The following KIAA0930 variants were observed in gnomAD, a reference collection of about 807,000 sequenced individuals.
The protein encoded by KIAA0930 is uncharacterized protein KIAA0930.
Under a neutral mutation model 43.9 loss-of-function variants are expected in KIAA0930, and 24 were observed. The observed-to-expected ratio is 0.55, with a 90% confidence interval of 0.40 to 0.77. The LOEUF (loss-of-function observed/expected upper bound fraction) is 0.77, where lower values mean the gene tolerates loss of function less well. Ranked by LOEUF, KIAA0930 falls within the 30% of genes least tolerant of loss-of-function variation. The pLI, the probability that KIAA0930 is intolerant of heterozygous loss-of-function variation, is 0.00. For synonymous variants in KIAA0930, 259 were observed against 216.4 expected (o/e 1.20, Z -1.73); for missense variants, 461 against 574.2 (o/e 0.80, Z 2.02).
intron 1 of KIAA0930, among the ~76,000 whole-genome samples, chr22:45,232,601 C>G (rs1463811443): frequency 6.6e-6 from 1 of 152,210 alleles, no homozygotes; most frequent in Non-Finnish European, 1.5e-5. Context: ...TCTCTCCATC[C>G]CAGCTCCCCC....
intron 1 of KIAA0930, among the ~76,000 whole-genome samples, chr22:45,215,188 G>A (rs1468277666): frequency 1.1e-4 from 17 of 151,776 alleles, no homozygotes; most frequent in Non-Finnish European, 1.0e-4. Flanking sequence ...ACTGCACTCC[G>A]GCCTGGGAGA....
intron 1 of KIAA0930, among the ~76,000 whole-genome samples, chr22:45,225,896 C>A (rs138749948): frequency 6.6e-6 from 1 of 152,358 alleles, no homozygotes; most frequent in African/African-American, 2.4e-5. Flanking sequence ...AAGGCCCGAG[C>A]GCCTGGTCTG....
chr22:45,211,423 G>A (rs1253435953), intron 2 of KIAA0930: 5 of 399,090 alleles, frequency 1.3e-5, no homozygotes, highest in East Asian at 3.6e-5. Flanking sequence ...CGAGCCCTCC[G>A]TTTCCTCATC....
intron 1 of KIAA0930, among the ~76,000 whole-genome samples, chr22:45,234,263 A>G (rs972375528): frequency 1.3e-5 from 2 of 152,116 alleles, no homozygotes; most frequent in Admixed American, 6.5e-5. Context: ...CTCAGGGCTC[A>G]GCTCCCAGGC....
intron 2 of KIAA0930, among the ~76,000 whole-genome samples, chr22:45,206,343 C>T (rs2083637955): frequency 6.6e-6 from 1 of 152,150 alleles, no homozygotes; most frequent in Non-Finnish European, 1.5e-5. Context: ...CTCCCCAGTT[C>T]TCTAGCGACG....
rs757670778 is a variant in KIAA0930 at position 45,204,004 on chromosome 22, AGACAGG to A, written c.517-25_517-20del. The A allele has an allele frequency of 1.8e-4, 288 of 1,613,464 alleles. 2 individuals carry two copies. In the South Asian group the frequency reaches 3.0e-3, roughly 17 times the overall value. On this transcript the variant is annotated intron_variant, in intron 5 of 9. Coordinates refer to ENST00000336156, the MANE Select transcript of KIAA0930 (RefSeq NM_001009880.2). ...TGAACACCTGGGCCAGGACACAAAGAGACAGGGACGTGACCATCAGCTCCCACCGCC... is the reference window on the plus strand; with the variant it reads ...TGAACACCTGGGCCAGGACACAAAGAGACGTGACCATCAGCTCCCACCGCC...
chr22:45,221,362 T>TA (rs1454837972), intron 1 of KIAA0930, among the ~76,000 whole-genome samples: 2 of 152,216 alleles, frequency 1.3e-5, no homozygotes, highest in Non-Finnish European at 2.9e-5. Context: ...GCCATGGCGA[T>TA]ATGTAAGGAA....
At chr22:45,237,307 T>G (rs907587996) in intron 1 of KIAA0930, among the ~76,000 whole-genome samples, 3 of 152,152 alleles carry the variant, frequency 2.0e-5, no homozygotes, top group Admixed American at 1.3e-4. Flanking sequence ...CTCCTGGCTG[T>G]CTCCCCCATG....
intron 1 of KIAA0930, among the ~76,000 whole-genome samples, chr22:45,231,434 C>T (rs1057375286): frequency 6.7e-6 from 1 of 150,186 alleles, no homozygotes; most frequent in Non-Finnish European, 1.5e-5. Flanking sequence ...CCTGAAGATC[C>T]GAGGGATGTC....
chr22:45,236,017 G>C (rs1167522825), intron 1 of KIAA0930, among the ~76,000 whole-genome samples: 1 of 152,256 alleles, frequency 6.6e-6, no homozygotes, highest in Non-Finnish European at 1.5e-5. Context: ...ACAGAGGCAA[G>C]GCCGTCTCCC....
At chr22:45,204,834 T>G (rs1488759982) in intron 5 of KIAA0930, among the ~76,000 whole-genome samples, 1 of 152,088 alleles carries the variant, frequency 6.6e-6, no homozygotes, top group Non-Finnish European at 1.5e-5. Flanking sequence ...ATCCTAGGAT[T>G]CCAAGTCAGT....
At chr22:45,205,114 G>A in intron 5 of KIAA0930, 103 bp downstream of exon 5, 1 of 897,918 alleles carries the variant, frequency 1.1e-6, no homozygotes, top group Non-Finnish European at 1.8e-6. Flanking sequence ...CCGGCTCCAA[G>A]CCACCCATGC....
intron 1 of KIAA0930, among the ~76,000 whole-genome samples, chr22:45,232,794 G>C (rs774264985): frequency 4.6e-5 from 7 of 152,126 alleles, no homozygotes; most frequent in Non-Finnish European, 8.8e-5. Flanking sequence ...CTCCAGGGGA[G>C]GCTGGCCCAC....
At chr22:45,200,216 G>A (rs763450207) in intron 7 of KIAA0930, 181 bp from the exon 8 acceptor site, 26 of 525,492 alleles carry the variant, frequency 4.9e-5, no homozygotes, top group Non-Finnish European at 5.7e-5. Flanking sequence ...TGGAAGATGC[G>A]TTCCAGCCCA....
At chr22:45,199,509 T>TC (rs1462795640) in intron 8 of KIAA0930, among the ~76,000 whole-genome samples, 1 of 152,074 alleles carries the variant, frequency 6.6e-6, no homozygotes, top group African/African-American at 2.4e-5. Context: ...CCCTCCTCTC[T>TC]CCCGCCACAC....
intron 9 of KIAA0930, 76 bp from the exon 10 acceptor site, chr22:45,197,292 C>G: frequency 7.4e-7 from 1 of 1,353,746 alleles, no homozygotes; most frequent in Non-Finnish European, 1.0e-6. Context: ...GGCAGTGCCA[C>G]TTCTGAAGGA....
rs71190644 is a variant in KIAA0930 at position 45,194,052 on chromosome 22, C to CTTTTTTTTTTTTTTTTTTTT, written c.*3104_*3123dup. The CTTTTTTTTTTTTTTTTTTTT allele has an allele frequency of 4.5e-5, 2 of 44,346 alleles. No individual in the cohort carries two copies. Among genetic ancestry groups the CTTTTTTTTTTTTTTTTTTTT allele is most frequent in the African/African-American group, 9.1e-5 (1 of 11,034 alleles). The allele number at this position is 44,346 out of a possible 1,614,324, so 2.7% of individuals were successfully genotyped here. A position where few individuals can be genotyped will look rare whatever the true frequency, so the allele number is the denominator to read the frequency against. ...GGTTTGGGTTTAAAGACCAATGTATCTTTTTTTTTTTTTTTTTTTTTTTTT... is the reference window on the plus strand; with the variant it reads ...GGTTTGGGTTTAAAGACCAATGTATCTTTTTTTTTTTTTTTTTTTTTTTTTTTTTTTTTTTTTTTTTTTTT... On this transcript the variant is annotated 3_prime_UTR_variant, in exon 10 of 10. Coordinates refer to ENST00000336156, the MANE Select transcript of KIAA0930 (RefSeq NM_001009880.2).
intron 7 of KIAA0930, chr22:45,200,329 T>A (rs2083576592): frequency 2.8e-6 from 1 of 357,458 alleles, no homozygotes; most frequent in Non-Finnish European, 5.0e-6. Context: ...AAACAGTGGG[T>A]AGGGGGTGTT....
At chr22:45,200,224 C>A in intron 7 of KIAA0930, 189 bp from the exon 8 acceptor site, 1 of 503,992 alleles carries the variant, frequency 2.0e-6, no homozygotes, top group Non-Finnish European at 3.3e-6. Flanking sequence ...GCGTTCCAGC[C>A]CAGGGGCCAG....
Sources: allele counts gnomAD v4.1 joint callset (sites outside exome capture counted in the v4.1 genomes callset), GRCh38; gene constraint gnomAD v4.1.1; transcripts MANE v1.5; gene names NCBI Gene and HGNC (gene_info 2026-07-23, HGNC 2026-07-21).